The following SGIP1 variants were observed in gnomAD, a reference collection of about 807,000 sequenced individuals.
SGIP1 encodes SH3-containing GRB2-like protein 3-interacting protein 1.
SGIP1 carries 38 observed loss-of-function variants against 107.5 expected under a neutral mutation model. That is an observed-to-expected ratio of 0.35 (90% CI 0.27 to 0.46). SGIP1 has a LOEUF of 0.46. Ranked by LOEUF, SGIP1 falls within the 20% of genes least tolerant of loss-of-function variation. The pLI, the probability that SGIP1 is intolerant of heterozygous loss-of-function variation, is 1.00. For missense variants in SGIP1, 929 were observed against 1,019.5 expected, an observed-to-expected ratio of 0.91 and a Z score of 1.21; for synonymous variants, 365 against 366.1, an observed-to-expected ratio of 1.00 and a Z score of 0.03.
At chr1:66,593,192 C>T (rs554081825) in intron 1 of SGIP1, among the ~76,000 whole-genome samples, 6 of 152,112 alleles carry the variant, frequency 3.9e-5, no homozygotes, top group Non-Finnish European at 8.8e-5. Context: ...ATTTATTCAC[C>T]TACTGAAGGA....
At position 66,635,837 on chromosome 1, in the gene SGIP1, T is replaced by C. The variant is rs558457471; in HGVS notation, c.100-107T>C. ...GCCGTATGATTTGGCCTAGAGATGG[T>C]TTCTTCTATGGTATGTTTGCTGACT... On this transcript the variant is annotated intron_variant, in intron 3 of 24. Transcript: ENST00000371037. The C allele has an allele frequency of 7.2e-4, 856 of 1,183,334 alleles. 1 individual carries two copies. Among genetic ancestry groups the C allele is most frequent in the Non-Finnish European group, 9.4e-4 (764 of 815,296 alleles). 73.3% of individuals were successfully genotyped at this position (1,183,334 alleles called of 1,614,324 possible). A position where few individuals can be genotyped will look rare whatever the true frequency, so the allele number is the denominator to read the frequency against.
At chr1:66,610,989 G>A (rs2067884773) in intron 1 of SGIP1, among the ~76,000 whole-genome samples, 1 of 152,012 alleles carries the variant, frequency 6.6e-6, no homozygotes, top group South Asian at 2.1e-4. Flanking sequence ...GGTGGGAAAG[G>A]GTGGGAGGGG....
At chr1:66,591,375 C>G (rs2063591519) in intron 1 of SGIP1, among the ~76,000 whole-genome samples, 1 of 152,196 alleles carries the variant, frequency 6.6e-6, no homozygotes, top group South Asian at 2.1e-4. Flanking sequence ...AACACAGATT[C>G]TTTCTCATCC....
chr1:66,687,555 T>A (rs2088709839), intron 15 of SGIP1, among the ~76,000 whole-genome samples: 1 of 152,098 alleles, frequency 6.6e-6, no homozygotes, highest in Non-Finnish European at 1.5e-5. Context: ...TGTGGGACTA[T>A]ACACCACAGT....
At chr1:66,620,820 G>A (rs1408450646) in intron 1 of SGIP1, among the ~76,000 whole-genome samples, 3 of 152,176 alleles carry the variant, frequency 2.0e-5, no homozygotes, top group East Asian at 1.9e-4. Flanking sequence ...GGCAATGCAC[G>A]TTTTTCTGTT....
chr1:66,637,893 T>G (rs1394871104), intron 4 of SGIP1, among the ~76,000 whole-genome samples: 1 of 151,128 alleles, frequency 6.6e-6, no homozygotes, highest in Admixed American at 6.6e-5. Context: ...ATATATAAAC[T>G]GTTTAGCTGA....
At chr1:66,641,925 C>T (rs775674839) in intron 5 of SGIP1, among the ~76,000 whole-genome samples, 8 of 152,180 alleles carry the variant, frequency 5.3e-5, no homozygotes, top group Admixed American at 1.3e-4. Context: ...AGCAATCCAT[C>T]CTTTCAAACA....
chr1:66,555,511 C>T lies in SGIP1; in HGVS notation c.10+21143C>T, dbSNP rs548921110. Among the ~76,000 whole-genome samples, 9 of 152,194 alleles carry T rather than the reference C, an allele frequency of 5.9e-5. No individual in the cohort carries two copies. In the South Asian group the frequency reaches 1.7e-3, roughly 28 times the overall value. The stretch of plus-strand genomic sequence containing the variant: ...ATGTATCCCAAGCACTAGTACAATC[C>T]CAGGCTCATAATAAAAGCTTAGTAA... On this transcript the variant is annotated intron_variant, in intron 1 of 24. Transcript: ENST00000371037.
At chr1:66,718,268 C>T (rs146997486) in intron 18 of SGIP1, among the ~76,000 whole-genome samples, 1 of 151,876 alleles carries the variant, frequency 6.6e-6, no homozygotes, top group African/African-American at 2.4e-5. Context: ...GAAGGGGAAG[C>T]AGTGAGTATT....
In SGIP1 at chr1:66,750,900, A is replaced by T. The variant is rs192280617; in HGVS notation, c.*7805A>T. ...ACATTACTTGCCTTATAAGTTAGAA[A>T]TAGTATGGATATCACTCTTTGTAAA... is the stretch of plus-strand genomic sequence containing the variant. On this transcript the variant is annotated 3_prime_UTR_variant, in exon 25 of 25. Transcript: ENST00000371037. Among the ~76,000 whole-genome samples the T allele has an allele frequency of 6.6e-6, 1 of 152,344 alleles. No individual in the cohort carries two copies. Among genetic ancestry groups the T allele is most frequent in the Non-Finnish European group, 1.5e-5 (1 of 68,024 alleles).
At chr1:66,687,609 G>A (rs1470613153) in intron 15 of SGIP1, among the ~76,000 whole-genome samples, 2 of 152,194 alleles carry the variant, frequency 1.3e-5, no homozygotes, top group African/African-American at 2.4e-5. Flanking sequence ...TTAAGAGCGT[G>A]AGCTTTGGAG....
At chr1:66,618,351 A>C (rs1265843624) in intron 1 of SGIP1, among the ~76,000 whole-genome samples, 1 of 152,238 alleles carries the variant, frequency 6.6e-6, no homozygotes, top group Non-Finnish European at 1.5e-5. Context: ...AATATCAAAA[A>C]ACTGGCCACC....
chr1:66,688,639 A>T (rs2089065834), intron 15 of SGIP1, among the ~76,000 whole-genome samples: 1 of 152,236 alleles, frequency 6.6e-6, no homozygotes, highest in Non-Finnish European at 1.5e-5. Context: ...GTACATTGAT[A>T]AAGTTGGTGC....
At chr1:66,673,663 C>G (rs1335694985) in intron 12 of SGIP1, among the ~76,000 whole-genome samples, 3 of 152,182 alleles carry the variant, frequency 2.0e-5, no homozygotes, top group African/African-American at 7.2e-5. Context: ...AGTAAACACT[C>G]TGGGAACCAG....
chr1:66,604,773 T>C (rs2066509805), intron 1 of SGIP1, among the ~76,000 whole-genome samples: 1 of 152,254 alleles, frequency 6.6e-6, no homozygotes, highest in Non-Finnish European at 1.5e-5. Context: ...CATCTCAGTC[T>C]TCTCTGGTCA....
At chr1:66,609,991 C>T (rs1237738284) in intron 1 of SGIP1, among the ~76,000 whole-genome samples, 1 of 152,040 alleles carries the variant, frequency 6.6e-6, no homozygotes, top group Non-Finnish European at 1.5e-5. Context: ...ACAATCTCGT[C>T]AGTTCAAAGT....
chr1:66,706,422 GAT>G (rs1276692457), intron 18 of SGIP1, among the ~76,000 whole-genome samples: 1 of 142,838 alleles, frequency 7.0e-6, no homozygotes, highest in Non-Finnish European at 1.5e-5. Flanking sequence ...AAATATATAT[GAT>G]ATAATTTATA....
rs986698084 is a variant in SGIP1, at chr1:66,674,002, C to T, written c.646+636C>T. Among the ~76,000 whole-genome samples the T allele has an allele frequency of 2.0e-5, 3 of 151,860 alleles. No individual in the cohort carries two copies. The East Asian group carries it at 5.8e-4, about 29-fold the overall frequency. On this transcript the variant is annotated intron_variant, in intron 12 of 24. Coordinates refer to ENST00000371037, the MANE Select transcript of SGIP1 (RefSeq NM_032291.4). Reference sequence around the variant, plus strand: ...CAACATACGGAGACCCCCATCTCTACAAAAAAATTTTTAAAATTAGCCGGG... The same window carrying T: ...CAACATACGGAGACCCCCATCTCTATAAAAAAATTTTTAAAATTAGCCGGG...
At chr1:66,696,920 A>T (rs995694158) in intron 18 of SGIP1, among the ~76,000 whole-genome samples, 2 of 152,232 alleles carry the variant, frequency 1.3e-5, no homozygotes, top group Non-Finnish European at 2.9e-5. Flanking sequence ...CTACAGTTGC[A>T]TAAGTTGGTA....
Sources: allele counts gnomAD v4.1 joint callset (sites outside exome capture counted in the v4.1 genomes callset), GRCh38; gene constraint gnomAD v4.1.1; transcripts MANE v1.5; gene names NCBI Gene and HGNC (gene_info 2026-07-23, HGNC 2026-07-21).